Variants in SVOP observed in about 807,000 individuals in gnomAD.
SVOP encodes the protein synaptic vesicle 2-related protein.
A neutral mutation model predicts 69.1 loss-of-function variants in SVOP; 17 were observed. That is an observed-to-expected ratio of 0.25 (90% CI 0.17 to 0.37). SVOP has a LOEUF of 0.37. Ranked by LOEUF, SVOP falls within the 10% of genes least tolerant of loss-of-function variation. The pLI, the probability that SVOP is intolerant of heterozygous loss-of-function variation, is 1.00. For synonymous variants in SVOP, 238 were observed against 238.6 expected (o/e 1.00, Z 0.02); for missense variants, 435 against 597.5 (o/e 0.73, Z 2.84).
chr12:108,908,762 C>A lies in SVOP; in HGVS notation c.*3773G>T, dbSNP rs1593172188. 6.6e-6 allele frequency: 1 copy of A among 152,364 alleles called. No homozygotes were observed. The highest frequency in any genetic ancestry group is 1.5e-5 in the Non-Finnish European group (1 of 68,050). 9.4% of individuals were successfully genotyped at this position (152,364 alleles called of 1,614,324 possible). ...CACATCCACGGCAGGCTCCTTGCAA[C>A]CATCGCCCATCCAACAGCCATTGCT... On this transcript the variant is annotated 3_prime_UTR_variant, in exon 16 of 16. Coordinates refer to ENST00000610966, the MANE Select transcript of SVOP (RefSeq NM_018711.5).
chr12:108,941,319 C>T (rs959269913), intron 7 of SVOP, among the ~76,000 whole-genome samples: 3 of 151,904 alleles, frequency 2.0e-5, no homozygotes, highest in African/African-American at 7.3e-5. Flanking sequence ...ACCTCCCAGG[C>T]TCAAGCAATC....
At chr12:108,976,330 AAAC>A (rs1438321436) in intron 4 of SVOP, among the ~76,000 whole-genome samples, 7 of 152,106 alleles carry the variant, frequency 4.6e-5, no homozygotes, top group African/African-American at 1.7e-4. Context: ...TATCTACAAA[AAAC>A]AACATTCTGG....
intron 1 of SVOP, among the ~76,000 whole-genome samples, chr12:109,000,133 G>C (rs1488581455): frequency 8.5e-5 from 13 of 152,248 alleles, no homozygotes; most frequent in Non-Finnish European, 1.5e-4. Context: ...GGGGATATCA[G>C]CACCGATCCC....
intron 1 of SVOP, among the ~76,000 whole-genome samples, chr12:109,001,292 C>T (rs1212193755): frequency 7.5e-6 from 1 of 132,898 alleles, no homozygotes; most frequent in Non-Finnish European, 1.6e-5. Flanking sequence ...CAAACCACTG[C>T]TCAAGGAAAT....
intron 6 of SVOP, among the ~76,000 whole-genome samples, chr12:108,956,011 A>T (rs1018771138): frequency 6.6e-6 from 1 of 152,120 alleles, no homozygotes; most frequent in Admixed American, 6.5e-5. Context: ...TAGAATTAGC[A>T]TTATGCTGGC....
At chr12:108,995,989 C>T (rs564891024) in intron 1 of SVOP, among the ~76,000 whole-genome samples, 2 of 151,828 alleles carry the variant, frequency 1.3e-5, no homozygotes, top group Admixed American at 1.3e-4. Context: ...TACATACACA[C>T]ACATACATAC....
intron 1 of SVOP, among the ~76,000 whole-genome samples, chr12:108,999,054 A>G (rs2040253081): frequency 7.4e-6 from 1 of 134,570 alleles, no homozygotes; most frequent in Non-Finnish European, 1.6e-5. Flanking sequence ...AGTGTGCTGT[A>G]TTCAGGAAAC....
In SVOP at chr12:109,014,070, C is replaced by A. The variant is rs117871277; in HGVS notation, c.35+6764G>T. Among the ~76,000 whole-genome samples the A allele has an allele frequency of 3.4e-4, 50 of 144,974 alleles. No homozygotes were observed. In the East Asian group the frequency reaches 8.7e-3, roughly 25 times the overall value. ...CCACTCTGCTGCCCAGGCTGGAGTG[C>A]CACGGTGTGATCTCAGCTCATTGGG... On this transcript the variant is annotated intron_variant, in intron 1 of 15. Coordinates refer to ENST00000610966, the MANE Select transcript of SVOP (RefSeq NM_018711.5).
At chr12:109,003,132 T>C (rs533712398) in intron 1 of SVOP, among the ~76,000 whole-genome samples, 3 of 152,264 alleles carry the variant, frequency 2.0e-5, no homozygotes, top group African/African-American at 7.2e-5. Context: ...AATACTGTTC[T>C]AGAGGAGTTA....
At chr12:108,943,366 G>T (rs1351012831) in intron 7 of SVOP, among the ~76,000 whole-genome samples, 1 of 151,954 alleles carries the variant, frequency 6.6e-6, no homozygotes, top group Non-Finnish European at 1.5e-5. Context: ...GGGAGGCCGA[G>T]GTGGGTGGCT....
chr12:108,987,523 G>T (rs1397943988), intron 1 of SVOP, among the ~76,000 whole-genome samples: 1 of 152,196 alleles, frequency 6.6e-6, no homozygotes, highest in Non-Finnish European at 1.5e-5. Flanking sequence ...TTGCCAGAAT[G>T]TCTTCCACAG....
intron 6 of SVOP, among the ~76,000 whole-genome samples, chr12:108,958,156 C>G (rs1185349437): frequency 6.6e-6 from 1 of 152,132 alleles, no homozygotes; most frequent in East Asian, 1.9e-4. Flanking sequence ...GCAGTGCACC[C>G]AGAGTTGGCC....
intron 7 of SVOP, among the ~76,000 whole-genome samples, chr12:108,941,197 T>C (rs1452123204): frequency 6.6e-6 from 1 of 152,148 alleles, no homozygotes; most frequent in Admixed American, 6.5e-5. Flanking sequence ...TATTACGTGA[T>C]GTCAAATTGG....
chr12:108,978,106 T>C (rs1302938662), intron 3 of SVOP, among the ~76,000 whole-genome samples: 1 of 152,136 alleles, frequency 6.6e-6, no homozygotes, highest in African/African-American at 2.4e-5. Flanking sequence ...AAATTGACGA[T>C]CCATTTGGGA....
rs563991261 is a variant in SVOP at position 108,945,707 on chromosome 12, C to G, written c.579-541G>C. ...CGGCCTCACCTGCATTTTTAACTCC[C>G]CAAGTGATTCTCAAATTTCCTAACT... is the stretch of plus-strand genomic sequence containing the variant. On this transcript the variant is annotated intron_variant, in intron 6 of 15. Transcript: ENST00000610966. Among the ~76,000 whole-genome samples the G allele has an allele frequency of 3.9e-5, 6 of 152,242 alleles. 1 individual carries two copies. The highest frequency in any genetic ancestry group is 1.4e-4 in the African/African-American group (6 of 41,550).
intron 11 of SVOP, among the ~76,000 whole-genome samples, chr12:108,931,625 A>G (rs1243202908): frequency 1.3e-5 from 2 of 152,032 alleles, no homozygotes; most frequent in African/African-American, 4.8e-5. Flanking sequence ...CGAGGTCAAG[A>G]GATTGAGACC....
chr12:109,018,150 C>T (rs1232372916), intron 1 of SVOP, among the ~76,000 whole-genome samples: 1 of 145,596 alleles, frequency 6.9e-6, no homozygotes, highest in Non-Finnish European at 1.5e-5. Flanking sequence ...CAATCAGTGT[C>T]TGCAAACTTG....
At chr12:109,020,753 T>TACCC in intron 1 of SVOP, 81 bp downstream of exon 1, 1 of 317,722 alleles carries the variant, frequency 3.1e-6, no homozygotes, top group Non-Finnish European at 5.9e-6. Context: ...TGCAGAGATG[T>TACCC]ACCCCCCCCC....
intron 1 of SVOP, 81 bp downstream of exon 1, chr12:109,020,753 T>TC (rs755333556): frequency 1.9e-4 from 61 of 317,814 alleles, no homozygotes; most frequent in South Asian, 3.8e-4. Flanking sequence ...TGCAGAGATG[T>TC]ACCCCCCCCC....
Sources: gnomAD v4.1 joint callset for allele counts (sites outside exome capture counted in the v4.1 genomes callset) on GRCh38, gnomAD v4.1.1 for gene constraint, MANE v1.5 for transcripts, NCBI Gene and HGNC (gene_info 2026-07-23, HGNC 2026-07-21) for gene names.